Variants in ZNF493 observed in about 807,000 individuals in gnomAD.
ZNF493 encodes the protein zinc finger protein 493.
Under a neutral mutation model 12.2 loss-of-function variants are expected in ZNF493, and 11 were observed. The observed-to-expected ratio is 0.90, with a 90% confidence interval of 0.57 to 1.50. The LOEUF is 1.50. Ranked by LOEUF, ZNF493 falls within the 40% of genes most tolerant of loss-of-function variation. ZNF493 has a pLI of 0.00. For missense variants in ZNF493, 950 were observed against 906.6 expected, an observed-to-expected ratio of 1.05 and a Z score of -0.61; for synonymous variants, 286 against 302.6, an observed-to-expected ratio of 0.95 and a Z score of 0.57.
chr19:21,409,913 A>G (rs2030264899), intron 3 of ZNF493, among the ~76,000 whole-genome samples: 1 of 152,086 alleles, frequency 6.6e-6, no homozygotes. Flanking sequence ...TTCTGTTTTT[A>G]TAAGTGTGAC....
At position 21,426,094 on chromosome 19, in the gene ZNF493, G is replaced by T; in HGVS notation, c.*1110G>T. ...CACATACGATAATTCTTACTGCAGAGAAACTCTACAAACCAGTAAGATGTG... is the reference window on the plus strand; with the variant it reads ...CACATACGATAATTCTTACTGCAGATAAACTCTACAAACCAGTAAGATGTG... On this transcript the variant is annotated 3_prime_UTR_variant, in exon 4 of 4. Coordinates refer to ENST00000392288, the MANE Select transcript of ZNF493 (RefSeq NM_001076678.3). 1 of 315,812 alleles carries T rather than the reference G, an allele frequency of 3.2e-6. No individual in the cohort carries two copies. The highest frequency in any genetic ancestry group is 3.3e-5 in the South Asian group (1 of 30,226). The allele number at this position is 315,812 out of a possible 1,614,324, so 19.6% of individuals were successfully genotyped here.
intron 3 of ZNF493, chr19:21,408,005 G>A (rs2030191104): frequency 1.0e-6 from 1 of 984,976 alleles, no homozygotes; most frequent in Non-Finnish European, 1.2e-6. Context: ...GATGCCCTCT[G>A]GGTTTGTAGT....
intron 3 of ZNF493, among the ~76,000 whole-genome samples, chr19:21,420,507 T>A (rs866042112): frequency 7.5e-6 from 1 of 133,716 alleles, no homozygotes; most frequent in Non-Finnish European, 1.6e-5. Context: ...GCCAATATAC[T>A]TCTTTAGAAT....
rs1034384298 is a variant in ZNF493 at position 21,424,683 on chromosome 19, A to G, written c.2024A>G (p.His675Arg). 2 of 1,613,626 alleles carry G rather than the reference A, an allele frequency of 1.2e-6. No homozygotes were observed. Among genetic ancestry groups the G allele is most frequent in the African/African-American group, 2.7e-5 (2 of 74,924 alleles). ...AGTATATTCTCAACCCTTACTAAAC[A>G]TAAGATAATTCATACTGAAGAGAAA... Reference protein sequence around the residue: ...AFSIFSTLTKHKIIHTEEKPY... With the variant: ...AFSIFSTLTKRKIIHTEEKPY... Residue 675 changes from histidine (H) to arginine (R), a missense_variant, in exon 4 of 4, where the codon CAT (histidine) becomes CGT (arginine). By Grantham distance (29) the His-to-Arg change is conservative. Transcript: ENST00000392288.
At chr19:21,419,648 T>C (rs1374556929) in intron 3 of ZNF493, among the ~76,000 whole-genome samples, 1 of 152,116 alleles carries the variant, frequency 6.6e-6, no homozygotes, top group Non-Finnish European at 1.5e-5. Context: ...TGGGTCTGCC[T>C]TTTCCAGCCC....
At chr19:21,400,939 CT>C (rs1360170577) in intron 1 of ZNF493, among the ~76,000 whole-genome samples, 2 of 152,158 alleles carry the variant, frequency 1.3e-5, no homozygotes, top group African/African-American at 4.8e-5. Context: ...GTCTGAATGC[CT>C]TTTATTTCTC....
chr19:21,405,088 A>ATG (rs35143973), intron 1 of ZNF493, 41 bp from the exon 2 acceptor site: 390,686 of 1,415,808 alleles, frequency 0.28, 14,783 homozygotes, highest in Non-Finnish European at 0.29. Flanking sequence ...CCACGTGTAA[A>ATG]TGTGTGTGTG....
At position 21,408,580 on chromosome 19, in the gene ZNF493, T is replaced by C. The variant is rs1196919734; in HGVS notation, c.253+2724T>C. On this transcript the variant is annotated intron_variant, in intron 3 of 3. Transcript: ENST00000392288. The stretch of plus-strand genomic sequence containing the variant: ...AGTCAAATACTGTAGTTAGACAAAT[T>C]CTTTTTTAATGGTATATTAATGTTG... 1.1e-5 allele frequency: 11 copies of C among 985,174 alleles called. No homozygotes were observed. In the Admixed American group the frequency reaches 6.8e-4, roughly 61 times the overall value. 61.0% of individuals were successfully genotyped at this position (985,174 alleles called of 1,614,324 possible).
intron 1 of ZNF493, among the ~76,000 whole-genome samples, chr19:21,401,679 G>A (rs1215159059): frequency 3.3e-5 from 5 of 151,666 alleles, no homozygotes; most frequent in African/African-American, 9.7e-5. Flanking sequence ...AGGCTGGAGT[G>A]CAGTGGCACA....
chr19:21,420,932 A>G (rs541973994), intron 3 of ZNF493, among the ~76,000 whole-genome samples: 2 of 151,540 alleles, frequency 1.3e-5, no homozygotes, highest in East Asian at 3.9e-4. Context: ...TATTTTTAGT[A>G]GAGATGGGTT....
chr19:21,426,097 ACT>A lies in ZNF493; in HGVS notation c.*1116_*1117del, dbSNP rs2030849669. ...ATACGATAATTCTTACTGCAGAGAA[ACT>A]CTACAAACCAGTAAGATGTGACAGT... is the stretch of plus-strand genomic sequence containing the variant. On this transcript the variant is annotated 3_prime_UTR_variant, in exon 4 of 4. Transcript: ENST00000392288. 2 of 310,766 alleles carry A rather than the reference ACT, an allele frequency of 6.4e-6. No individual in the cohort carries two copies. The highest frequency in any genetic ancestry group is 3.4e-5 in the South Asian group (1 of 29,294). 19.3% of individuals were successfully genotyped at this position (310,766 alleles called of 1,614,324 possible). A position where few individuals can be genotyped will look rare whatever the true frequency, so the allele number is the denominator to read the frequency against.
intron 3 of ZNF493, among the ~76,000 whole-genome samples, chr19:21,409,535 A>G (rs1206266351): frequency 6.6e-6 from 1 of 152,112 alleles, no homozygotes; most frequent in East Asian, 1.9e-4. Flanking sequence ...CTTGAGCCCA[A>G]AAGTGTCAGA....
At chr19:21,415,606 C>T (rs959873010) in intron 3 of ZNF493, among the ~76,000 whole-genome samples, 13 of 152,128 alleles carry the variant, frequency 8.5e-5, no homozygotes, top group African/African-American at 2.9e-4. Context: ...GGCGGCAGCA[C>T]AAAGTATATC....
chr19:21,423,905 G>A lies in ZNF493; in HGVS notation c.1246G>A (p.Glu416Lys), dbSNP rs1184478315. Residue 416 changes from glutamate to lysine, a missense_variant, in exon 4 of 4, where the codon GAG (glutamate) becomes AAG (lysine). Glu to Lys is a moderately conservative substitution (Grantham distance 56). Coordinates refer to ENST00000392288, the MANE Select transcript of ZNF493 (RefSeq NM_001076678.3). ...RCEECGKAYK[E>K]SSHLTTHKRI... The stretch of plus-strand genomic sequence containing the variant: ...TGAAGAATGTGGCAAAGCTTATAAG[G>A]AGTCTTCACACCTTACTACACATAA... 2 of 1,609,992 alleles carry A rather than the reference G, an allele frequency of 1.2e-6. No homozygotes were observed. Among genetic ancestry groups the A allele is most frequent in the East Asian group, 2.2e-5 (1 of 44,512 alleles).
In ZNF493 at chr19:21,424,913, C is replaced by G. The variant is rs375638999; in HGVS notation, c.2254C>G (p.Arg752Gly). 6.2e-7 allele frequency: 1 copy of G among 1,611,938 alleles called. No individual in the cohort carries two copies. The highest frequency in any genetic ancestry group is 8.5e-7 in the Non-Finnish European group (1 of 1,179,026). The change falls in exon 4 of 4, where the codon CGG becomes GGG. Residue 752 changes from arginine (R) to glycine (G), a missense_variant. By Grantham distance (125) the Arg-to-Gly change is moderately radical. Coordinates refer to ENST00000392288, the MANE Select transcript of ZNF493 (RefSeq NM_001076678.3). The part of the protein sequence containing the change: ...KCEACGKAFR[R>G]SSHLSRHKII... ...TGAAGCATGTGGCAAAGCTTTTAGG[C>G]GGTCTTCACATCTTAGTAGACATAA...
intron 3 of ZNF493, chr19:21,408,021 G>A (rs1398011166): frequency 1.0e-6 from 1 of 984,980 alleles, no homozygotes; most frequent in East Asian, 1.1e-4. Context: ...GTAGTGGAGT[G>A]GGGTTGTAAC....
chr19:21,407,978 G>A (rs1285335151), intron 3 of ZNF493: 1 of 985,248 alleles, frequency 1.0e-6, no homozygotes. Context: ...CTTTTCTTGT[G>A]TTCCCCAGGG....
At chr19:21,413,695 A>G (rs1313563439) in intron 3 of ZNF493, 2 of 400,118 alleles carry the variant, frequency 5.0e-6, no homozygotes, top group African/African-American at 4.1e-5. Flanking sequence ...GGCCTGGAGG[A>G]ACACAAGCAT....
At position 21,423,530 on chromosome 19, in the gene ZNF493, A is replaced by T. The variant is rs1223075143; in HGVS notation, c.871A>T (p.Lys291Ter). 1.9e-6 allele frequency: 3 copies of T among 1,613,822 alleles called. No homozygotes were observed. The highest frequency in any genetic ancestry group is 1.1e-5 in the South Asian group (1 of 91,074). ...GCATAAGCTAATTCATACTAGAGAG[A>T]AACCCTATAAATGTGAACAATATGG... Reference protein sequence around the residue: ...TRHKLIHTREKPYKCEQYGKT... With the variant: ...TRHKLIHTRE The change falls in exon 4 of 4, where the codon AAA becomes TAA. Residue 291 changes from lysine to a stop codon, truncating the protein, a stop_gained. Coordinates refer to ENST00000392288, the MANE Select transcript of ZNF493 (RefSeq NM_001076678.3). LOFTEE classifies it low-confidence loss of function (END_TRUNC).
Sources: allele counts gnomAD v4.1 joint callset (sites outside exome capture counted in the v4.1 genomes callset), GRCh38; gene constraint gnomAD v4.1.1; transcripts MANE v1.5; gene names NCBI Gene and HGNC (gene_info 2026-07-23, HGNC 2026-07-21).